Variants in PPTC7 observed in about 807,000 individuals in gnomAD.
PPTC7 encodes the protein protein phosphatase targeting COQ7.
Under a neutral mutation model 30.8 loss-of-function variants are expected in PPTC7, and 6 were observed. The observed-to-expected ratio is 0.19, with a 90% CI of 0.11 to 0.38. PPTC7 has a LOEUF of 0.38. Among genes scored for constraint, PPTC7 ranks in the 10% least tolerant of loss-of-function variants. PPTC7 has a pLI of 1.00. For synonymous variants in PPTC7, 163 were observed against 168.1 expected (o/e 0.97, Z 0.23); for missense variants, 218 against 404.8 (o/e 0.54, Z 3.96).
intron 2 of PPTC7, 149 bp from the exon 3 acceptor site, chr12:110,546,227 A>C: frequency 1.6e-6 from 1 of 631,760 alleles, no homozygotes. Context: ...CACATCCTCT[A>C]CGAATATCAA....
At chr12:110,581,408 C>T (rs529841037) in intron 1 of PPTC7, among the ~76,000 whole-genome samples, 1 of 151,178 alleles carries the variant, frequency 6.6e-6, no homozygotes, top group Non-Finnish European at 1.5e-5. Context: ...AGGTAGACTC[C>T]GTCTGAAAAA....
chr12:110,550,998 C>G (rs1221474969), intron 2 of PPTC7, among the ~76,000 whole-genome samples: 1 of 152,168 alleles, frequency 6.6e-6, no homozygotes, highest in African/African-American at 2.4e-5. Flanking sequence ...TATATGGAAT[C>G]AGACTGTCAG....
intron 1 of PPTC7, among the ~76,000 whole-genome samples, chr12:110,581,387 C>G (rs978586451): frequency 2.0e-5 from 3 of 151,792 alleles, no homozygotes; most frequent in African/African-American, 7.3e-5. Context: ...GCACTCCAGC[C>G]TGAGTGACAG....
intron 1 of PPTC7, among the ~76,000 whole-genome samples, chr12:110,570,156 T>C (rs1593163828): frequency 1.3e-5 from 2 of 150,738 alleles, no homozygotes; most frequent in Admixed American, 1.3e-4. Flanking sequence ...ATTCTGTTAA[T>C]CTATAACCTT....
chr12:110,543,948 G>A (rs2064284844), intron 3 of PPTC7, among the ~76,000 whole-genome samples: 1 of 152,166 alleles, frequency 6.6e-6, no homozygotes, highest in African/African-American at 2.4e-5. Context: ...CCAACAAGAA[G>A]AATCAAATGA....
intron 3 of PPTC7, among the ~76,000 whole-genome samples, chr12:110,545,576 C>A (rs557425886): frequency 1.3e-5 from 2 of 152,282 alleles, no homozygotes; most frequent in South Asian, 4.1e-4. Flanking sequence ...TTCTCCAGCA[C>A]AATTTAATAA....
rs1195913504 is a variant in PPTC7 at position 110,568,253 on chromosome 12, GTT to G, written c.223+14554_223+14555del. Among the ~76,000 whole-genome samples, 911 of 132,010 alleles carry G rather than the reference GTT, an allele frequency of 6.9e-3. 1 individual carries two copies. Among genetic ancestry groups the G allele is most frequent in the Non-Finnish European group, 9.8e-3 (605 of 61,640 alleles). The allele number at this position is 132,010 out of a possible 152,430, so 86.6% of individuals were successfully genotyped here. A position where few individuals can be genotyped will look rare whatever the true frequency, so the allele number is the denominator to read the frequency against. ...ACGTTGTGCCCCTACAATCTCATGC[GTT>G]TTTTTTTTTTTTTTTGAGACGGAGT... On this transcript the variant is annotated intron_variant, in intron 1 of 5. Transcript: ENST00000354300.
chr12:110,538,438 C>CA (rs1375009578), intron 4 of PPTC7, among the ~76,000 whole-genome samples, 165 bp from the exon 5 acceptor site: 11 of 152,214 alleles, frequency 7.2e-5, no homozygotes, highest in African/African-American at 2.7e-4. Flanking sequence ...CACAAGGTAT[C>CA]AATCAGAAAG....
chr12:110,565,561 T>C (rs2064477030), intron 1 of PPTC7, among the ~76,000 whole-genome samples: 1 of 152,206 alleles, frequency 6.6e-6, no homozygotes, highest in Non-Finnish European at 1.5e-5. Flanking sequence ...GGCCCATACT[T>C]TCCAATTTTT....
In PPTC7 at chr12:110,559,743, A is replaced by G. The variant is rs1393600944; in HGVS notation, c.224-7775T>C. ...TCAGCCTCAGGGGAAAAAAAAAAAA[A>G]AAAAAAAGAAATGGGGTCTCACTCT... On this transcript the variant is annotated intron_variant, in intron 1 of 5. Coordinates refer to ENST00000354300, the MANE Select transcript of PPTC7 (RefSeq NM_139283.2). 8.6e-5 allele frequency among the ~76,000 whole-genome samples: 13 copies of G among 151,104 alleles called. No homozygotes were observed. The South Asian group carries it at 2.7e-3, about 32-fold the overall frequency.
chr12:110,574,927 C>T (rs2064574981), intron 1 of PPTC7, among the ~76,000 whole-genome samples: 1 of 150,562 alleles, frequency 6.6e-6, no homozygotes, highest in African/African-American at 2.5e-5. Context: ...TACAGGCACT[C>T]GCCACCATGC....
At position 110,536,866 on chromosome 12, in the gene PPTC7, A is replaced by C; in HGVS notation, c.*171T>G. 1.7e-6 allele frequency: 1 copy of C among 605,382 alleles called. No homozygotes were observed. The highest frequency in any genetic ancestry group is 3.0e-6 in the Non-Finnish European group (1 of 337,578). The allele number at this position is 605,382 out of a possible 1,614,324, so 37.5% of individuals were successfully genotyped here. ...CGGCAGATATGAGCTAGTGAATGAT[A>C]GTAGTGGTTCTCAACAAAGATCTCA... On this transcript the variant is annotated 3_prime_UTR_variant, in exon 6 of 6. Coordinates refer to ENST00000354300, the MANE Select transcript of PPTC7 (RefSeq NM_139283.2).
intron 4 of PPTC7, among the ~76,000 whole-genome samples, chr12:110,538,551 GAA>G (rs1442577891): frequency 6.6e-6 from 1 of 152,172 alleles, no homozygotes; most frequent in Non-Finnish European, 1.5e-5. Context: ...AGGATGAACT[GAA>G]AAGGCAGATT....
intron 1 of PPTC7, among the ~76,000 whole-genome samples, chr12:110,564,209 G>C (rs942607810): frequency 6.6e-6 from 1 of 152,142 alleles, no homozygotes; most frequent in Non-Finnish European, 1.5e-5. Flanking sequence ...GACAGGAGGA[G>C]GCAACAAACA....
At chr12:110,564,245 G>GT (rs1197832079) in intron 1 of PPTC7, among the ~76,000 whole-genome samples, 2 of 152,316 alleles carry the variant, frequency 1.3e-5, no homozygotes, top group East Asian at 3.9e-4. Flanking sequence ...CATACTTATT[G>GT]TAAGTTATGA....
intron 2 of PPTC7, among the ~76,000 whole-genome samples, chr12:110,548,835 C>A (rs936156920): frequency 1.3e-5 from 2 of 152,160 alleles, no homozygotes; most frequent in Non-Finnish European, 2.9e-5. Flanking sequence ...TAAGCCCAGC[C>A]TTACAGAACC....
rs2064465062 is a variant in PPTC7, at chr12:110,564,634, A to G, written c.224-12666T>C. Among the ~76,000 whole-genome samples, 4 of 152,188 alleles carry G rather than the reference A, an allele frequency of 2.6e-5. No individual in the cohort carries two copies. The South Asian group carries it at 8.3e-4, about 31-fold the overall frequency. On this transcript the variant is annotated intron_variant, in intron 1 of 5. Transcript: ENST00000354300. ...AATAGGCACCCTCTGGGAGAGGTCT[A>G]TAGTCACATGCGGCCTGGCACAAAT... is the stretch of plus-strand genomic sequence containing the variant.
chr12:110,560,970 A>T (rs1283848976), intron 1 of PPTC7, among the ~76,000 whole-genome samples: 1 of 152,184 alleles, frequency 6.6e-6, no homozygotes, highest in Non-Finnish European at 1.5e-5. Flanking sequence ...GAAACTCTAG[A>T]GGAGAAACTG....
intron 1 of PPTC7, among the ~76,000 whole-genome samples, chr12:110,577,942 G>T (rs1339548182): frequency 6.6e-6 from 1 of 152,072 alleles, no homozygotes; most frequent in Non-Finnish European, 1.5e-5. Flanking sequence ...AAAAGCATTC[G>T]AAGCACAAAA....
Sources: allele counts gnomAD v4.1 joint callset (sites outside exome capture counted in the v4.1 genomes callset), GRCh38; gene constraint gnomAD v4.1.1; transcripts MANE v1.5; gene names NCBI Gene and HGNC (gene_info 2026-07-23, HGNC 2026-07-21).